Variants in WWOX observed in about 807,000 individuals in gnomAD.
WWOX encodes the protein WW domain containing oxidoreductase.
In WWOX, 69 loss-of-function variants were observed where a neutral mutation model predicts 46.2. The observed-to-expected ratio is 1.49, with a 90% CI of 1.23 to 1.82. The LOEUF (loss-of-function observed/expected upper bound fraction) is 1.82. WWOX is among the 40% of genes most tolerant of loss of function. The pLI, the probability that WWOX is intolerant of heterozygous loss-of-function variation, is 0.00. For synonymous variants in WWOX, 359 were observed against 202.6 expected (o/e 1.77, Z -6.56); for missense variants, 919 against 542.6 (o/e 1.69, Z -6.89).
intron 8 of WWOX, among the ~76,000 whole-genome samples, chr16:78,622,192 C>G (rs2046205840): frequency 6.6e-6 from 1 of 152,132 alleles, no homozygotes; most frequent in Non-Finnish European, 1.5e-5. Flanking sequence ...ATTCTTCTCT[C>G]CTGCACCAAG....
rs147143868 is a variant in WWOX, at chr16:78,149,830, A to G, written c.410-14353A>G. ...TTCCAGGCTGGTTTCTCCTGCCTCC[A>G]GGAGCTGCTTCTAGTGTGTGCTCTT... On this transcript the variant is annotated intron_variant, in intron 4 of 8. Transcript: ENST00000566780. Among the ~76,000 whole-genome samples the G allele has an allele frequency of 2.6e-5, 4 of 152,250 alleles. No homozygotes were observed. In the East Asian group the frequency reaches 7.7e-4, roughly 29 times the overall value.
intron 8 of WWOX, among the ~76,000 whole-genome samples, chr16:78,920,203 A>G (rs1306430489): frequency 6.6e-6 from 1 of 152,174 alleles, no homozygotes; most frequent in African/African-American, 2.4e-5. Context: ...CTAGGACTCC[A>G]GGGGAAAGAG....
chr16:78,605,762 A>G (rs1029492217), intron 8 of WWOX, among the ~76,000 whole-genome samples: 1 of 152,216 alleles, frequency 6.6e-6, no homozygotes, highest in Non-Finnish European at 1.5e-5. Flanking sequence ...TGGAAAGGAT[A>G]GGAAGAAGCT....
chr16:78,770,324 C>T (rs1017282954), intron 8 of WWOX, among the ~76,000 whole-genome samples: 2 of 151,924 alleles, frequency 1.3e-5, no homozygotes, highest in Admixed American at 1.3e-4. Context: ...GTACTCCAGC[C>T]TGGGCCATAG....
intron 5 of WWOX, among the ~76,000 whole-genome samples, chr16:78,169,823 G>A (rs2035095799): frequency 6.6e-6 from 1 of 151,996 alleles, no homozygotes; most frequent in South Asian, 2.1e-4. Context: ...AGAGGAGAGG[G>A]ATTGTTATGA....
At chr16:78,199,373 T>C (rs1454244490) in intron 5 of WWOX, among the ~76,000 whole-genome samples, 1 of 152,066 alleles carries the variant, frequency 6.6e-6, no homozygotes, top group Non-Finnish European at 1.5e-5. Flanking sequence ...AACTCCCATG[T>C]ATTATCTATG....
intron 5 of WWOX, among the ~76,000 whole-genome samples, chr16:78,201,224 G>C (rs998742224): frequency 2.6e-5 from 4 of 152,204 alleles, no homozygotes. Flanking sequence ...TTTCAACTAA[G>C]AACCAAAATG....
intron 8 of WWOX, among the ~76,000 whole-genome samples, chr16:79,171,991 C>T (rs1644491944): frequency 6.6e-6 from 1 of 152,156 alleles, no homozygotes; most frequent in African/African-American, 2.4e-5. Context: ...TGCCATGAGT[C>T]AGACAGGTCA....
intron 8 of WWOX, among the ~76,000 whole-genome samples, chr16:78,669,078 A>C (rs2047399479): frequency 6.6e-6 from 1 of 152,192 alleles, no homozygotes; most frequent in African/African-American, 2.4e-5. Context: ...TGAAGCTACA[A>C]CTGGAGCTAA....
At chr16:78,179,090 C>G (rs1215005760) in intron 5 of WWOX, among the ~76,000 whole-genome samples, 2 of 152,036 alleles carry the variant, frequency 1.3e-5, no homozygotes, top group African/African-American at 4.8e-5. Flanking sequence ...AAAGACTTGC[C>G]AACATAGACA....
chr16:78,499,228 G>C (rs961554606), intron 8 of WWOX, among the ~76,000 whole-genome samples: 6 of 151,786 alleles, frequency 4.0e-5, no homozygotes, highest in Non-Finnish European at 8.8e-5. Flanking sequence ...GCTTTGCTTT[G>C]GGGGGGTGAG....
At chr16:78,362,786 C>T (rs149561306) in intron 5 of WWOX, among the ~76,000 whole-genome samples, 2 of 152,180 alleles carry the variant, frequency 1.3e-5, no homozygotes, top group African/African-American at 4.8e-5. Context: ...ATAAATATAC[C>T]ACAAGCATTA....
chr16:78,744,722 G>T (rs912935862), intron 8 of WWOX, among the ~76,000 whole-genome samples: 19 of 152,116 alleles, frequency 1.2e-4, no homozygotes, highest in Non-Finnish European at 2.1e-4. Context: ...GTGAGCCACT[G>T]TGTATTTCTA....
intron 7 of WWOX, among the ~76,000 whole-genome samples, chr16:78,426,862 C>T (rs1008912165): frequency 6.6e-6 from 1 of 152,146 alleles, no homozygotes; most frequent in South Asian, 2.1e-4. Context: ...CGGGGTTTCA[C>T]CATGTTGGCC....
At chr16:78,681,859 G>C (rs1414062708) in intron 8 of WWOX, among the ~76,000 whole-genome samples, 1 of 152,200 alleles carries the variant, frequency 6.6e-6, no homozygotes, top group East Asian at 1.9e-4. Context: ...CCGCTGGAGA[G>C]CTGGTTAGAA....
At chr16:79,143,455 G>A (rs1319753347) in intron 8 of WWOX, among the ~76,000 whole-genome samples, 1 of 152,144 alleles carries the variant, frequency 6.6e-6, no homozygotes, top group Non-Finnish European at 1.5e-5. Flanking sequence ...TGTATTCTGT[G>A]GCTCGGCTAA....
chr16:78,491,537 A>C (rs900096185), intron 8 of WWOX, among the ~76,000 whole-genome samples: 1 of 152,080 alleles, frequency 6.6e-6, no homozygotes, highest in Non-Finnish European at 1.5e-5. Flanking sequence ...GTCTCTGTGC[A>C]CTGCAGCCTC....
intron 5 of WWOX, among the ~76,000 whole-genome samples, chr16:78,254,804 CA>C (rs1388566444): frequency 1.3e-5 from 2 of 152,196 alleles, no homozygotes; most frequent in Non-Finnish European, 2.9e-5. Context: ...GCTCGGATTA[CA>C]GGTGTGAACC....
intron 8 of WWOX, among the ~76,000 whole-genome samples, chr16:79,169,913 C>A (rs908744762): frequency 1.3e-5 from 2 of 152,122 alleles, no homozygotes; most frequent in African/African-American, 4.8e-5. Context: ...AAAAAAACAA[C>A]CCTCTATGTT....
Sources: gnomAD v4.1 joint callset for allele counts (sites outside exome capture counted in the v4.1 genomes callset) on GRCh38, gnomAD v4.1.1 for gene constraint, MANE v1.5 for transcripts, NCBI Gene and HGNC (gene_info 2026-07-23, HGNC 2026-07-21) for gene names.